The following NTRK2 variants were observed in gnomAD, a reference collection of about 807,000 sequenced individuals.
NTRK2 encodes neurotrophic receptor tyrosine kinase 2, also known as BDNF/NT-3 growth factors receptor.
NTRK2 carries 13 observed loss-of-function variants against 94.5 expected under a neutral mutation model. The ratio of observed to expected loss-of-function variants is 0.14; its 90% CI spans 0.09 to 0.22. The LOEUF (loss-of-function observed/expected upper bound fraction) is 0.22. NTRK2 is among the 10% of genes least tolerant of loss of function. NTRK2 has a pLI of 1.00. For missense variants in NTRK2, 639 were observed against 1,071.2 expected (o/e 0.60, Z 5.63); for synonymous variants, 372 against 407.4 (o/e 0.91, Z 1.05).
At chr9:84,836,498 T>G (rs2073880392) in intron 12 of NTRK2, among the ~76,000 whole-genome samples, 1 of 151,666 alleles carries the variant, frequency 6.6e-6, no homozygotes. Context: ...GCAAGTACAG[T>G]CAATGCCCTT....
intron 17 of NTRK2, among the ~76,000 whole-genome samples, chr9:84,969,223 T>C (rs1030432248): frequency 3.9e-5 from 6 of 152,234 alleles, no homozygotes; most frequent in African/African-American, 1.2e-4. Context: ...TAAAAGCATA[T>C]TTTAATACTC....
chr9:84,855,793 C>T (rs879457159), intron 12 of NTRK2, among the ~76,000 whole-genome samples: 5 of 152,140 alleles, frequency 3.3e-5, no homozygotes, highest in South Asian at 2.1e-4. Flanking sequence ...CAAGAGAATT[C>T]GTTGTTCCTT....
chr9:84,884,288 G>A (rs1041959410), intron 14 of NTRK2, among the ~76,000 whole-genome samples: 2 of 152,140 alleles, frequency 1.3e-5, no homozygotes, highest in Admixed American at 6.5e-5. Flanking sequence ...AATATAACCT[G>A]CTCTTATAAA....
At chr9:84,677,883 T>G (rs1457681678) in intron 2 of NTRK2, among the ~76,000 whole-genome samples, 1 of 152,228 alleles carries the variant, frequency 6.6e-6, no homozygotes, top group Non-Finnish European at 1.5e-5. Flanking sequence ...GATAAATGAT[T>G]TGGTTGCCTT....
intron 12 of NTRK2, among the ~76,000 whole-genome samples, chr9:84,855,082 A>T (rs1247742202): frequency 6.6e-6 from 1 of 151,966 alleles, no homozygotes; most frequent in African/African-American, 2.4e-5. Context: ...GAGGGGGAAG[A>T]CCGAGTAGGT....
chr9:84,803,600 G>A (rs1378588460), intron 12 of NTRK2, among the ~76,000 whole-genome samples: 3 of 152,154 alleles, frequency 2.0e-5, no homozygotes, highest in African/African-American at 4.8e-5. Context: ...TCCTTGAAAA[G>A]CCACAGTTCA....
rs150084559 is a variant in NTRK2 at position 84,674,439 on chromosome 9, C to T, written c.212+3479C>T. Among the ~76,000 whole-genome samples, 45 of 152,200 alleles carry T rather than the reference C, an allele frequency of 3.0e-4. No homozygotes were observed. The East Asian group carries it at 5.0e-3, about 17-fold the overall frequency. Reference sequence around the variant, plus strand: ...TAATACATTGATTTTGGCCCTCTTACTTTAATAAGCTTTGCCATTGCAATT... The same window carrying T: ...TAATACATTGATTTTGGCCCTCTTATTTTAATAAGCTTTGCCATTGCAATT... On this transcript the variant is annotated intron_variant, in intron 2 of 18. Coordinates refer to ENST00000277120, the MANE Select transcript of NTRK2 (RefSeq NM_006180.6).
At chr9:84,898,509 CTTTT>C (rs1039601268) in intron 14 of NTRK2, among the ~76,000 whole-genome samples, 2 of 151,608 alleles carry the variant, frequency 1.3e-5, no homozygotes, top group East Asian at 3.9e-4. Flanking sequence ...CTTTTTCTTT[CTTTT>C]TTTTCTCGTT....
intron 12 of NTRK2, among the ~76,000 whole-genome samples, chr9:84,804,864 G>T (rs1374202389): frequency 6.6e-6 from 1 of 152,156 alleles, no homozygotes; most frequent in Non-Finnish European, 1.5e-5. Flanking sequence ...AGACAGAAAG[G>T]CTAGACACAC....
chr9:84,676,960 A>AGTGTGTGTGTGT (rs58789627), intron 2 of NTRK2, among the ~76,000 whole-genome samples: 2 of 150,000 alleles, frequency 1.3e-5, no homozygotes, highest in East Asian at 2.0e-4. Flanking sequence ...ACTGTGTGTG[A>AGTGTGTGTGTGT]GTGTGTGTGT....
At chr9:84,822,507 G>C (rs1274590337) in intron 12 of NTRK2, among the ~76,000 whole-genome samples, 1 of 152,198 alleles carries the variant, frequency 6.6e-6, no homozygotes. Flanking sequence ...AAGCTGCAAA[G>C]ATTTTTATCC....
intron 17 of NTRK2, among the ~76,000 whole-genome samples, chr9:84,992,708 G>T (rs1045165867): frequency 1.3e-5 from 2 of 152,036 alleles, no homozygotes; most frequent in Non-Finnish European, 2.9e-5. Flanking sequence ...AGTCTAATCT[G>T]ATTTAAGTCT....
rs1832767204 is a variant in NTRK2 at position 85,021,327 on chromosome 9, C to T, written c.2407C>T (p.Leu803=). The T allele has an allele frequency of 1.9e-6, 3 of 1,614,156 alleles. No individual in the cohort carries two copies. The highest frequency in any genetic ancestry group is 1.7e-6 in the Non-Finnish European group (2 of 1,180,010). ...TCPQEVYELM[L]GCWQREPHMR... ...CCCCCAGGAGGTGTATGAGCTGATGCTGGGGTGCTGGCAGCGAGAGCCCCA... is the reference window on the plus strand; with the variant it reads ...CCCCCAGGAGGTGTATGAGCTGATGTTGGGGTGCTGGCAGCGAGAGCCCCA... The change falls in exon 19 of 19, where the codon CTG becomes TTG. Residue 803 remains leucine, a synonymous_variant. Transcript: ENST00000277120.
rs1181438261 is a variant in NTRK2, at chr9:84,875,228, G to A, written c.1633+7797G>A. On this transcript the variant is annotated intron_variant, in intron 14 of 18. Coordinates refer to ENST00000277120, the MANE Select transcript of NTRK2 (RefSeq NM_006180.6). ...AGTAATGGCTCACTTTGGGGAGATTGTGCTGCACAGTGTGTAGGAAGCACA... is the reference window on the plus strand; with the variant it reads ...AGTAATGGCTCACTTTGGGGAGATTATGCTGCACAGTGTGTAGGAAGCACA... The A allele has an allele frequency of 4.7e-6, 5 of 1,058,326 alleles. No homozygotes were observed. In the African/African-American group the frequency reaches 4.9e-5, roughly 10 times the overall value. 65.6% of individuals were successfully genotyped at this position (1,058,326 alleles called of 1,614,324 possible). A position where few individuals can be genotyped will look rare whatever the true frequency, so the allele number is the denominator to read the frequency against.
chr9:84,993,545 C>T (rs1324533042), intron 17 of NTRK2, among the ~76,000 whole-genome samples: 1 of 152,252 alleles, frequency 6.6e-6, no homozygotes, highest in African/African-American at 2.4e-5. Flanking sequence ...ACTGCTCCCA[C>T]TGCAATCCCT....
chr9:84,946,834 C>T (rs924102765), intron 15 of NTRK2, among the ~76,000 whole-genome samples: 2 of 152,208 alleles, frequency 1.3e-5, no homozygotes, highest in Admixed American at 1.3e-4. Flanking sequence ...GTTTTCTTGT[C>T]ATTTTCAGCT....
At chr9:84,744,833 C>T (rs1244513282) in intron 10 of NTRK2, 140 bp from the exon 11 acceptor site, 4 of 771,386 alleles carry the variant, frequency 5.2e-6, no homozygotes, top group Non-Finnish European at 9.5e-6. Flanking sequence ...CTGGTCACGT[C>T]CCTCCACAGC....
intron 8 of NTRK2, 57 bp from the exon 9 acceptor site, chr9:84,727,597 G>C: frequency 6.5e-7 from 1 of 1,538,710 alleles, no homozygotes; most frequent in Admixed American, 1.7e-5. Context: ...CAGACATCTC[G>C]AGATGGGGAG....
intron 8 of NTRK2, among the ~76,000 whole-genome samples, chr9:84,726,131 C>G (rs1011124331): frequency 1.3e-5 from 2 of 152,160 alleles, no homozygotes; most frequent in African/African-American, 4.8e-5. Flanking sequence ...TCACTAGGCT[C>G]TGAAAAATTG....
Sources: gnomAD v4.1 joint callset for allele counts (sites outside exome capture counted in the v4.1 genomes callset) on GRCh38, gnomAD v4.1.1 for gene constraint, MANE v1.5 for transcripts, NCBI Gene and HGNC (gene_info 2026-07-23, HGNC 2026-07-21) for gene names.